AANAT: variants seen among roughly 807,000 people sequenced by gnomAD.
The protein encoded by AANAT is serotonin N-acetyltransferase.
Under a neutral mutation model 15.6 loss-of-function variants are expected in AANAT, and 11 were observed. That is an observed-to-expected ratio of 0.71 (90% CI 0.44 to 1.17). The LOEUF is 1.17. Ranked by LOEUF, AANAT falls within the 50% of genes most tolerant of loss-of-function variation. The pLI is 0.00. For missense variants in AANAT, 286 were observed against 296.3 expected (o/e 0.97, Z 0.26); for synonymous variants, 139 against 131.5 (o/e 1.06, Z -0.39).
Position 76,469,608 on chromosome 17 carries a change from G to C in AANAT, c.319-57G>C, listed in dbSNP as rs989642463. 2.0e-5 allele frequency: 28 copies of C among 1,425,884 alleles called. 1 individual carries two copies. In the African/African-American group the frequency reaches 2.6e-4, roughly 13 times the overall value. The allele number at this position is 1,425,884 out of a possible 1,614,324, so 88.3% of individuals were successfully genotyped here. On this transcript the variant is annotated intron_variant, in intron 3 of 3. Transcript: ENST00000392492. This position sits in a 1 kb window ranked among gnomAD's most constrained non-coding sequence, Gnocchi z 5.2. ...TGCTCCCTGCCTGGGTTGGTGGTTGGGGGGGAGCACGTGTCAGCAGAAGTG... is the reference window on the plus strand; with the variant it reads ...TGCTCCCTGCCTGGGTTGGTGGTTGCGGGGGAGCACGTGTCAGCAGAAGTG...
chr17:76,467,865 C>T (rs2073456538), intron 1 of AANAT, 138 bp downstream of exon 1: 2 of 446,756 alleles, frequency 4.5e-6, no homozygotes, highest in Admixed American at 1.3e-4. Context: ...GGATGGCCTC[C>T]TCTAAGAACT....
intron 1 of AANAT, among the ~76,000 whole-genome samples, chr17:76,468,370 C>T (rs1350499642): frequency 6.6e-6 from 1 of 152,182 alleles, no homozygotes; most frequent in Non-Finnish European, 1.5e-5. Flanking sequence ...CCCTGCTCAT[C>T]CCTGCCACCA....
At chr17:76,455,974 C>G (rs1301581216) in intron 1 of AANAT, among the ~76,000 whole-genome samples, 3 of 151,324 alleles carry the variant, frequency 2.0e-5, no homozygotes, top group African/African-American at 7.3e-5. Flanking sequence ...GAACACATCA[C>G]TGCACTCCAG....
chr17:76,461,324 G>A (rs901026048), intron 2 of AANAT, among the ~76,000 whole-genome samples: 2 of 151,976 alleles, frequency 1.3e-5, no homozygotes, highest in African/African-American at 2.4e-5. Flanking sequence ...GGATGCTGTG[G>A]TGCACCTCCC....
At position 76,468,770 on chromosome 17, in the gene AANAT, CCT is replaced by C; in HGVS notation, c.25_26del (p.Leu9GlufsTer3). On this transcript the variant is annotated frameshift_variant, in exon 2 of 4. Coordinates refer to ENST00000392492, the MANE Select transcript of AANAT (RefSeq NM_001088.3). LOFTEE classifies it high-confidence loss of function. ...GAATGTCCACGCAGAGCACCCACCC[CCT>C]GAAACCTGAGGCCCCACGTCTGCCA... MSTQSTHPLKPEAPRLPPG... is the reference protein window; with the variant it reads MSTQSTHPXKPEAPRLPPG... The C allele has an allele frequency of 1.9e-6, 3 of 1,613,162 alleles. No homozygotes were observed. The highest frequency in any genetic ancestry group is 2.5e-6 in the Non-Finnish European group (3 of 1,179,824).
chr17:76,469,752 G>T lies in AANAT; in HGVS notation c.406G>T (p.Gly136Cys). 6.4e-7 allele frequency: 1 copy of T among 1,571,446 alleles called. No individual in the cohort carries two copies. Among genetic ancestry groups the T allele is most frequent in the Non-Finnish European group, 8.6e-7 (1 of 1,158,936 alleles). The change falls in exon 4 of 4, where the codon GGC (glycine) becomes TGC (cysteine). Residue 136 changes from glycine (G) to cysteine (C), a missense_variant. Coordinates refer to ENST00000392492, the MANE Select transcript of AANAT (RefSeq NM_001088.3). This position sits in a 1 kb window ranked among gnomAD's most constrained non-coding sequence, Gnocchi z 5.2. ...CCGCGCCTTCCGGCAGCAGGGCAGG[G>T]GCCCCATCCTGCTGTGGCGCTACCT... ...VHRAFRQQGR[G>C]PILLWRYLHH...
chr17:76,456,954 C>A (rs984814915), intron 1 of AANAT, among the ~76,000 whole-genome samples: 1 of 152,132 alleles, frequency 6.6e-6, no homozygotes, highest in Non-Finnish European at 1.5e-5. Context: ...TATGCTATTT[C>A]TTTAGGCTTC....
chr17:76,455,124 C>G (rs987610117), intron 1 of AANAT, among the ~76,000 whole-genome samples: 8 of 151,512 alleles, frequency 5.3e-5, no homozygotes, highest in Admixed American at 6.6e-5. Context: ...GAGATTCCGT[C>G]TCAAAAAAAA....
intron 2 of AANAT, among the ~76,000 whole-genome samples, chr17:76,460,647 T>C (rs995216185): frequency 5.3e-5 from 8 of 152,080 alleles, no homozygotes; most frequent in Non-Finnish European, 1.0e-4. Context: ...TAAAATCACA[T>C]GTGGGGCTCA....
Position 76,469,214 on chromosome 17 carries a change from G to A in AANAT, c.205G>A (p.Glu69Lys). ...VLGVCPLYLD[E>K]IRHFLTLCPE... ...GGGCGTCTGCCCCCTGTACCTGGAT[G>A]AGATCCGGCACTTCCTGACCCTATG... Residue 69 changes from glutamate (E) to lysine (K), a missense_variant, in exon 3 of 4, where the codon GAG becomes AAG. Glu to Lys is a moderately conservative substitution (Grantham distance 56). Transcript: ENST00000392492. This position sits in a 1 kb window ranked among gnomAD's most constrained non-coding sequence, Gnocchi z 5.2. 6.2e-7 allele frequency: 1 copy of A among 1,614,212 alleles called. No individual in the cohort carries two copies. Among genetic ancestry groups the A allele is most frequent in the African/African-American group, 1.3e-5 (1 of 75,066 alleles).
At position 76,469,336 on chromosome 17, in the gene AANAT, A is replaced by G. The variant is rs200603566; in HGVS notation, c.318+9A>G. The G allele has an allele frequency of 4.3e-6, 7 of 1,613,610 alleles. No individual in the cohort carries two copies. The highest frequency in any genetic ancestry group is 5.9e-6 in the Non-Finnish European group (7 of 1,179,902). ...AGGAGAGACTCATGCAGGTGAGGAC[A>G]GGGCTGCGACGCCCAGCTCCAGGGA... On this transcript the variant is annotated intron_variant, in intron 3 of 3. Coordinates refer to ENST00000392492, the MANE Select transcript of AANAT (RefSeq NM_001088.3). This position sits in a 1 kb window ranked among gnomAD's most constrained non-coding sequence, Gnocchi z 5.2.
upstream of AANAT, chr17:76,465,962 G>T (rs949135655): frequency 3.5e-6 from 2 of 563,706 alleles, no homozygotes; most frequent in African/African-American, 1.9e-5. Flanking sequence ...CCATCCTCCC[G>T]TCTCTGTCTC....
rs747916960 is a variant in AANAT at position 76,470,006 on chromosome 17, G to A, written c.*36G>A. Reference sequence around the variant, plus strand: ...CCACCTGGCTGCCAACATGATCCCCGTCTCTGCCCTGGGCTCCTCTTAGCT... The same window carrying A: ...CCACCTGGCTGCCAACATGATCCCCATCTCTGCCCTGGGCTCCTCTTAGCT... On this transcript the variant is annotated 3_prime_UTR_variant, in exon 4 of 4. Transcript: ENST00000392492. The A allele has an allele frequency of 9.0e-6, 13 of 1,447,506 alleles. No homozygotes were observed. Among genetic ancestry groups the A allele is most frequent in the Non-Finnish European group, 1.2e-5 (13 of 1,096,260 alleles). The allele number at this position is 1,447,506 out of a possible 1,614,324, so 89.7% of individuals were successfully genotyped here.
intron 2 of AANAT, among the ~76,000 whole-genome samples, chr17:76,462,095 A>C (rs748294503): frequency 6.6e-6 from 1 of 152,022 alleles, no homozygotes; most frequent in Non-Finnish European, 1.5e-5. Context: ...CTCTTCTTGC[A>C]CTGGGCCAGT....
exon 1 of AANAT, chr17:76,453,365 G>A (rs1305056875): frequency 9.1e-6 from 3 of 330,878 alleles, no homozygotes; most frequent in Non-Finnish European, 1.6e-5. Flanking sequence ...AATCCACTAA[G>A]AAGGGGCGAG....
At chr17:76,460,129 A>ATTT (rs1567863927) in intron 2 of AANAT, among the ~76,000 whole-genome samples, 10 of 82,926 alleles carry the variant, frequency 1.2e-4, no homozygotes, top group Admixed American at 1.2e-4. Context: ...TACTTCAGGA[A>ATTT]ATTTTTTTTT....
Position 76,469,311 on chromosome 17 carries a change from A to G in AANAT, c.302A>G (p.Lys101Arg), listed in dbSNP as rs749382858. Residue 101 changes from lysine to arginine, a missense_variant, in exon 3 of 4, where the codon AAG (lysine) becomes AGG (arginine). Physicochemically the swap from Lys to Arg is conservative, Grantham distance 26. Coordinates refer to ENST00000392492, the MANE Select transcript of AANAT (RefSeq NM_001088.3). The surrounding 1 kb of genome is among the most constrained non-coding windows in gnomAD (Gnocchi z 5.2). ...TTCATCATCGGCTCGCTCTGGGACA[A>G]GGAGAGACTCATGCAGGTGAGGACA... ...VAFIIGSLWDKERLMQESLTL... is the reference protein window; with the variant it reads ...VAFIIGSLWDRERLMQESLTL... 33 of 1,613,914 alleles carry G rather than the reference A, an allele frequency of 2.0e-5. No individual in the cohort carries two copies. In the African/African-American group the frequency reaches 4.4e-4, roughly 22 times the overall value.
intron 1 of AANAT, among the ~76,000 whole-genome samples, chr17:76,457,345 A>G (rs895194886): frequency 2.0e-5 from 3 of 152,068 alleles, no homozygotes; most frequent in Non-Finnish European, 2.9e-5. Context: ...CCCGGCCTCA[A>G]ATCTGCTTTT....
rs72466443 is a variant in AANAT at position 76,468,755 on chromosome 17, G to A, written c.9G>A (p.Thr3=). 1,241 of 1,611,812 alleles carry A rather than the reference G, an allele frequency of 7.7e-4. 2 individuals are homozygous for A. The highest frequency in any genetic ancestry group is 5.6e-3 in the Middle Eastern group (34 of 6,060). Residue 3 remains threonine (T), a synonymous_variant, in exon 2 of 4, where the codon ACG becomes ACA. Transcript: ENST00000392492. The part of the protein sequence containing the change: MS[T]QSTHPLKPEA... ...AGGCACCAGTGGCCAGAATGTCCAC[G>A]CAGAGCACCCACCCCCTGAAACCTG...
Sources: allele counts gnomAD v4.1 joint callset (sites outside exome capture counted in the v4.1 genomes callset), GRCh38; gene constraint gnomAD v4.1.1; non-coding constraint Gnocchi (gnomAD v3.1); transcripts MANE v1.5; gene names NCBI Gene and HGNC (gene_info 2026-07-23, HGNC 2026-07-21).